Variants in ZNF595 observed in about 807,000 individuals in gnomAD.
The protein encoded by ZNF595 is zinc finger protein 595.
In ZNF595, 9 loss-of-function variants were observed where a neutral mutation model predicts 19.4. That is an observed-to-expected ratio of 0.46 (90% CI 0.28 to 0.81). The LOEUF (loss-of-function observed/expected upper bound fraction) is 0.81. Among genes scored for constraint, ZNF595 ranks in the 30% least tolerant of loss-of-function variants. The pLI is 0.11. For missense variants in ZNF595, 729 were observed against 736.0 expected (o/e 0.99, Z 0.11); for synonymous variants, 255 against 255.9 (o/e 1.00, Z 0.03).
Position 87,036 on chromosome 4 carries a change from A to T in ZNF595, c.1532A>T (p.Lys511Ile). ...IHTGEKPYKCKECGKAFNQSS... is the reference protein window; with the variant it reads ...IHTGEKPYKCIECGKAFNQSS... ...ACTGGAGAGAAACCCTACAAATGTA[A>T]AGAATGTGGCAAAGCTTTTAACCAA... Residue 511 changes from lysine (K) to isoleucine (I), a missense_variant, in exon 4 of 4, where the codon AAA becomes ATA. By Grantham distance (102) the Lys-to-Ile change is moderately radical (BLOSUM62 -3). This residue lies in a region of ZNF595 where 729 missense variants were observed against 675.3 expected (regional missense o/e 1.08). Coordinates refer to ENST00000610261, the MANE Select transcript of ZNF595 (RefSeq NM_182524.4). The T allele has an allele frequency of 6.2e-7, 1 of 1,614,078 alleles. No homozygotes were observed. The highest frequency in any genetic ancestry group is 8.5e-7 in the Non-Finnish European group (1 of 1,179,990).
At position 77,845 on chromosome 4, in the gene ZNF595, T is replaced by C. The variant is rs181275499; in HGVS notation, c.227-7886T>C. ...ATGTGAGCAGGTGTGGCTCCTGATG[T>C]GTGGCTCTTGCTGGATGTTTCAAAA... On this transcript the variant is annotated intron_variant, in intron 3 of 3. Coordinates refer to ENST00000610261, the MANE Select transcript of ZNF595 (RefSeq NM_182524.4). Among the ~76,000 whole-genome samples, 570 of 152,180 alleles carry C rather than the reference T, an allele frequency of 3.7e-3. 6 individuals are homozygous for C. In the Middle Eastern group the frequency reaches 0.048, roughly 13 times the overall value.
Position 87,553 on chromosome 4 carries a change from T to A in ZNF595, c.*102T>A, listed in dbSNP as rs78378985. The A allele has an allele frequency of 8.5e-7, 1 of 1,182,316 alleles. No individual in the cohort carries two copies. The highest frequency in any genetic ancestry group is 1.1e-6 in the Non-Finnish European group (1 of 885,318). 73.2% of individuals were successfully genotyped at this position (1,182,316 alleles called of 1,614,324 possible). ...TTGTATTATTTTTCTTATTTTAAAT[T>A]TTTTAAAATTTCTGTAGGTACATAG... On this transcript the variant is annotated 3_prime_UTR_variant, in exon 4 of 4. Transcript: ENST00000610261.
rs185867035 is a variant in ZNF595 at position 77,855 on chromosome 4, G to C, written c.227-7876G>C. Among the ~76,000 whole-genome samples the C allele has an allele frequency of 3.9e-5, 6 of 152,210 alleles. No individual in the cohort carries two copies. In the East Asian group the frequency reaches 1.2e-3, roughly 29 times the overall value. ...GTGTGGCTCCTGATGTGTGGCTCTT[G>C]CTGGATGTTTCAAAATGCTCTAACC... On this transcript the variant is annotated intron_variant, in intron 3 of 3. Coordinates refer to ENST00000610261, the MANE Select transcript of ZNF595 (RefSeq NM_182524.4).
In ZNF595 at chr4:86,423, A is replaced by G; in HGVS notation, c.919A>G (p.Thr307Ala). The part of the protein sequence containing the change: ...TSLNEHKNIH[T>A]GEKPYKCKEC... ...CCTGAATGAACATAAGAATATTCAT[A>G]CTGGAGAGAAACCCTACAAATGTAA... The change falls in exon 4 of 4, where the codon ACT becomes GCT. Residue 307 changes from threonine (T) to alanine (A), a missense_variant. This residue lies in a region of ZNF595 where 729 missense variants were observed against 675.3 expected (regional missense o/e 1.08). Transcript: ENST00000610261. 1 of 1,614,036 alleles carries G rather than the reference A, an allele frequency of 6.2e-7. No individual in the cohort carries two copies. Among genetic ancestry groups the G allele is most frequent in the South Asian group, 1.1e-5 (1 of 91,068 alleles).
At chr4:76,706 G>T (rs1408946755) in intron 3 of ZNF595, among the ~76,000 whole-genome samples, 1 of 151,954 alleles carries the variant, frequency 6.6e-6, no homozygotes, top group Non-Finnish European at 1.5e-5. Context: ...AGTTTTGTCA[G>T]GTATACTCTT....
chr4:81,098 C>G (rs546655124), intron 3 of ZNF595, among the ~76,000 whole-genome samples: 2 of 152,192 alleles, frequency 1.3e-5, no homozygotes, highest in East Asian at 3.9e-4. Context: ...TTTTCTGTTC[C>G]TGTGTTTGTT....
intron 3 of ZNF595, among the ~76,000 whole-genome samples, chr4:83,058 TAC>T (rs576837179): frequency 1.3e-5 from 2 of 151,352 alleles, no homozygotes; most frequent in African/African-American, 4.9e-5. Context: ...AAGACACACA[TAC>T]ACACACACAC....
At chr4:58,031 C>A (rs1454204998) in intron 1 of ZNF595, among the ~76,000 whole-genome samples, 2 of 151,390 alleles carry the variant, frequency 1.3e-5, no homozygotes, top group Non-Finnish European at 3.0e-5. Flanking sequence ...TCTGTCCCAA[C>A]TTTGCCCAGA....
At chr4:79,415 A>G (rs1206599687) in intron 3 of ZNF595, among the ~76,000 whole-genome samples, 1 of 152,186 alleles carries the variant, frequency 6.6e-6, no homozygotes, top group Non-Finnish European at 1.5e-5. Flanking sequence ...GCATGTGTAA[A>G]TATCTATTTG....
At chr4:54,784 C>T (rs1158122232) in intron 1 of ZNF595, among the ~76,000 whole-genome samples, 153 of 148,152 alleles carry the variant, frequency 1.0e-3, no homozygotes, top group African/African-American at 3.6e-3. Context: ...GATCCTAATC[C>T]CTTCTGTCTT....
At position 87,239 on chromosome 4, in the gene ZNF595, C is replaced by G. The variant is rs782804433; in HGVS notation, c.1735C>G (p.Leu579Val). The G allele has an allele frequency of 4.4e-6, 7 of 1,594,870 alleles. No homozygotes were observed. The highest frequency in any genetic ancestry group is 6.0e-6 in the Non-Finnish European group (7 of 1,167,576). Residue 579 changes from leucine (L) to valine (V), a missense_variant, in exon 4 of 4, where the codon CTT becomes GTT. Leu to Val is a conservative substitution (Grantham distance 32). Transcript: ENST00000610261. ...CAAAGCCTATAACTTATCCTCAACC[C>G]TTACTAAACATAAGAGAATTCATAC... ...CGKAYNLSST[L>V]TKHKRIHTGE...
intron 3 of ZNF595, among the ~76,000 whole-genome samples, chr4:77,955 A>G (rs112194174): frequency 0.012 from 1,820 of 152,066 alleles, 19 homozygotes; most frequent in Middle Eastern, 0.034. Flanking sequence ...ACTGATTCAT[A>G]GGGCTGCTTC....
intron 3 of ZNF595, among the ~76,000 whole-genome samples, chr4:70,266 C>G (rs1553797688): frequency 6.6e-6 from 1 of 151,924 alleles, no homozygotes; most frequent in African/African-American, 2.4e-5. Context: ...TTTTATATGG[C>G]CAGAGATAGG....
intron 3 of ZNF595, among the ~76,000 whole-genome samples, chr4:66,797 A>C (rs1279256963): frequency 5.3e-5 from 8 of 152,134 alleles, no homozygotes; most frequent in African/African-American, 1.9e-4. Context: ...TCCATCATCT[A>C]TTTGTCTTCT....
chr4:71,912 A>C (rs1378651331), intron 3 of ZNF595, among the ~76,000 whole-genome samples: 1 of 149,244 alleles, frequency 6.7e-6, no homozygotes, highest in African/African-American at 2.5e-5. Flanking sequence ...AAGGACCTGC[A>C]AAAAAAAAAT....
intron 3 of ZNF595, among the ~76,000 whole-genome samples, chr4:63,546 G>A (rs1581326829): frequency 6.9e-3 from 959 of 139,506 alleles, no homozygotes; most frequent in East Asian, 0.03. Context: ...TTTTATTTAT[G>A]TACTTATTTT....
In ZNF595 at chr4:87,494, CAAAT is replaced by C. The variant is rs1714281357; in HGVS notation, c.*48_*51del. ...CTCTAATTCCAGTGTCTTTACACAG[CAAAT>C]AAATTGGAGAATATTGCTCCCATAT... On this transcript the variant is annotated 3_prime_UTR_variant, in exon 4 of 4. Transcript: ENST00000610261. 6.9e-7 allele frequency: 1 copy of C among 1,443,370 alleles called. No homozygotes were observed. The highest frequency in any genetic ancestry group is 1.4e-5 in the African/African-American group (1 of 70,164). The allele number at this position is 1,443,370 out of a possible 1,614,324, so 89.4% of individuals were successfully genotyped here.
At chr4:75,090 T>G (rs13148549) in intron 3 of ZNF595, among the ~76,000 whole-genome samples, 14,721 of 152,196 alleles carry the variant, frequency 0.097, 765 homozygotes, top group South Asian at 0.17. Context: ...CTCTTTTAGT[T>G]ATTATTGACA....
intron 3 of ZNF595, among the ~76,000 whole-genome samples, chr4:73,999 A>G (rs1000799665): frequency 3.9e-5 from 6 of 152,250 alleles, no homozygotes; most frequent in Non-Finnish European, 7.4e-5. Context: ...CAAACTCCAT[A>G]TATTTGGTGT....
Sources: gnomAD v4.1 joint callset for allele counts (sites outside exome capture counted in the v4.1 genomes callset) on GRCh38, gnomAD v4.1.1 for gene constraint, gnomAD v4.1.1 regional missense constraint, MANE v1.5 for transcripts, NCBI Gene and HGNC (gene_info 2026-07-23, HGNC 2026-07-21) for gene names.